The following FARP2 variants were observed in gnomAD, a reference collection of about 807,000 sequenced individuals.
FARP2 encodes the protein FERM, ARH/RhoGEF and pleckstrin domain protein 2.
FARP2 carries 111 observed loss-of-function variants against 130.5 expected under a neutral mutation model. The observed-to-expected ratio is 0.85, with a 90% CI of 0.73 to 1.00. The LOEUF (loss-of-function observed/expected upper bound fraction) is 1.00, where lower values mean the gene tolerates loss of function less well. FARP2 is among the 50% of genes least tolerant of loss of function. The pLI is 0.00. For synonymous variants in FARP2, 504 were observed against 516.9 expected (o/e 0.98, Z 0.34); for missense variants, 1,385 against 1,346.3 (o/e 1.03, Z -0.45).
chr2:241,469,961 G>A (rs1276303871), intron 18 of FARP2, among the ~76,000 whole-genome samples: 1 of 152,244 alleles, frequency 6.6e-6, no homozygotes, highest in Non-Finnish European at 1.5e-5. Flanking sequence ...AGCCTCCCTA[G>A]GTTTGCTTCA....
At chr2:241,384,497 G>C (rs1415254586) in intron 2 of FARP2, among the ~76,000 whole-genome samples, 1 of 152,104 alleles carries the variant, frequency 6.6e-6, no homozygotes, top group East Asian at 1.9e-4. Context: ...GTTGCATCCT[G>C]GAGATGCAAC....
At chr2:241,427,582 G>C (rs896668071) in intron 8 of FARP2, among the ~76,000 whole-genome samples, 4 of 152,066 alleles carry the variant, frequency 2.6e-5, no homozygotes, top group African/African-American at 9.7e-5. Flanking sequence ...TTATAGATTG[G>C]GGTACTGGGG....
At chr2:241,415,553 C>T (rs1361839603) in intron 7 of FARP2, among the ~76,000 whole-genome samples, 2 of 152,070 alleles carry the variant, frequency 1.3e-5, no homozygotes, top group Non-Finnish European at 1.5e-5. Context: ...GTTGTCAGCA[C>T]GTAGGCTGGG....
intron 19 of FARP2, 93 bp from the exon 20 acceptor site, chr2:241,483,372 C>T (rs562848936): frequency 6.5e-4 from 676 of 1,045,140 alleles, no homozygotes; most frequent in Non-Finnish European, 9.0e-4. Context: ...GGAGCACAAG[C>T]GGCCACAAGG....
In FARP2 at chr2:241,434,948, A is replaced by G. The variant is rs775241685; in HGVS notation, c.1032-14A>G. The G allele has an allele frequency of 3.4e-6, 5 of 1,489,392 alleles. No homozygotes were observed. In the East Asian group the frequency reaches 9.1e-5, roughly 27 times the overall value. The allele number at this position is 1,489,392 out of a possible 1,614,324, so 92.3% of individuals were successfully genotyped here. A position where few individuals can be genotyped will look rare whatever the true frequency, so the allele number is the denominator to read the frequency against. ...TTACTGTTCTTTATTAAAAATCTGA[A>G]TCTTTATTCACAGTGGAAGAACTCA... On this transcript the variant is annotated splice_polypyrimidine_tract_variant and intron_variant, in intron 10 of 26. Coordinates refer to ENST00000264042, the MANE Select transcript of FARP2 (RefSeq NM_014808.4).
intron 8 of FARP2, among the ~76,000 whole-genome samples, chr2:241,424,098 C>A (rs1254173278): frequency 6.6e-6 from 1 of 152,128 alleles, no homozygotes; most frequent in Non-Finnish European, 1.5e-5. Flanking sequence ...GAACTCAGCC[C>A]TGGATAAAGT....
At chr2:241,481,923 C>G (rs561858794) in intron 19 of FARP2, among the ~76,000 whole-genome samples, 1 of 152,288 alleles carries the variant, frequency 6.6e-6, no homozygotes, top group South Asian at 2.1e-4. Flanking sequence ...GCTGCTCAGC[C>G]CTGGGCCTTG....
intron 13 of FARP2, chr2:241,442,977 C>T: frequency 5.0e-6 from 1 of 198,852 alleles, no homozygotes; most frequent in Non-Finnish European, 1.0e-5. Flanking sequence ...TCTCACTTGT[C>T]CAGCCACTGC....
chr2:241,369,142 T>G (rs889199250), intron 1 of FARP2, among the ~76,000 whole-genome samples: 1 of 152,106 alleles, frequency 6.6e-6, no homozygotes, highest in African/African-American at 2.4e-5. Context: ...TGTGCAAACG[T>G]GTAAAGATTT....
At chr2:241,387,368 GTC>G (rs980920531) in intron 2 of FARP2, 25 of 152,308 alleles carry the variant, frequency 1.6e-4, no homozygotes, top group African/African-American at 5.5e-4. Context: ...TAACATACCT[GTC>G]TCTCTTTTAA....
intron 1 of FARP2, among the ~76,000 whole-genome samples, chr2:241,368,558 G>A (rs931840191): frequency 6.6e-6 from 1 of 152,138 alleles, no homozygotes; most frequent in African/African-American, 2.4e-5. Flanking sequence ...CTCCCGAGTA[G>A]CTGGGATTGA....
chr2:241,360,732 G>A (rs1470444235), intron 1 of FARP2, among the ~76,000 whole-genome samples: 2 of 151,650 alleles, frequency 1.3e-5, no homozygotes, highest in South Asian at 2.1e-4. Flanking sequence ...TGAAAAAGCT[G>A]ATGAATAATG....
At chr2:241,414,603 A>C (rs2062615428) in intron 7 of FARP2, among the ~76,000 whole-genome samples, 1 of 152,040 alleles carries the variant, frequency 6.6e-6, no homozygotes, top group Non-Finnish European at 1.5e-5. Context: ...ATCTTACCTT[A>C]CCCCGTAAGA....
Position 241,461,084 on chromosome 2 carries a change from A to G in FARP2, c.1588-1439A>G, listed in dbSNP as rs1018059354. On this transcript the variant is annotated intron_variant, in intron 14 of 26. Coordinates refer to ENST00000264042, the MANE Select transcript of FARP2 (RefSeq NM_014808.4). Reference sequence around the variant, plus strand: ...AGTACAAGGAAGAAGACATGGCTCCACATGCCACCTCAGCTACTTGCTCAC... The same window carrying G: ...AGTACAAGGAAGAAGACATGGCTCCGCATGCCACCTCAGCTACTTGCTCAC... Among the ~76,000 whole-genome samples, 11 of 152,312 alleles carry G rather than the reference A, an allele frequency of 7.2e-5. 1 individual carries two copies. The highest frequency in any genetic ancestry group is 6.2e-4 in the South Asian group (3 of 4,828).
At position 241,414,438 on chromosome 2, in the gene FARP2, T is replaced by C. The variant is rs114026465; in HGVS notation, c.623+1017T>C. Among the ~76,000 whole-genome samples, 696 of 152,262 alleles carry C rather than the reference T, an allele frequency of 4.6e-3. 4 individuals carry two copies. The highest frequency in any genetic ancestry group is 0.016 in the African/African-American group (647 of 41,568). ...AGATGCAGGTTTGTTTGTCAGATCA[T>C]GTATGTTCATGTGTGTCGTTAAGGC... On this transcript the variant is annotated intron_variant, in intron 7 of 26. Transcript: ENST00000264042.
At chr2:241,486,967 T>C (rs1393616815) in intron 21 of FARP2, among the ~76,000 whole-genome samples, 1 of 152,100 alleles carries the variant, frequency 6.6e-6, no homozygotes, top group Non-Finnish European at 1.5e-5. Flanking sequence ...TCATTTCACT[T>C]TGCATCCCTG....
intron 2 of FARP2, among the ~76,000 whole-genome samples, chr2:241,400,171 G>A (rs1318698179): frequency 6.6e-6 from 1 of 152,172 alleles, no homozygotes; most frequent in East Asian, 1.9e-4. Flanking sequence ...AGGGGCTCAG[G>A]TAGGACGGGG....
intron 13 of FARP2, chr2:241,444,219 C>G (rs2063460438): frequency 6.6e-6 from 1 of 152,242 alleles, no homozygotes; most frequent in Non-Finnish European, 1.5e-5. Context: ...CTAACAAATA[C>G]CTGTGAAAAT....
intron 13 of FARP2, chr2:241,446,752 C>T (rs1452748828): frequency 6.6e-6 from 1 of 152,184 alleles, no homozygotes; most frequent in African/African-American, 2.4e-5. Context: ...GTTCTCAAGT[C>T]CACAGAATCG....
Sources: allele counts gnomAD v4.1 joint callset (sites outside exome capture counted in the v4.1 genomes callset), GRCh38; gene constraint gnomAD v4.1.1; transcripts MANE v1.5; gene names NCBI Gene and HGNC (gene_info 2026-07-23, HGNC 2026-07-21).